Variants in FYB2 observed in about 807,000 individuals in gnomAD.
FYB2 encodes the protein FYN-binding protein 2.
In FYB2, 103 loss-of-function variants were observed where a neutral mutation model predicts 94.1. The observed-to-expected ratio is 1.09, with a 90% confidence interval of 0.93 to 1.29. The LOEUF (loss-of-function observed/expected upper bound fraction) is 1.29, where lower values mean the gene tolerates loss of function less well. Among genes scored for constraint, FYB2 ranks in the 50% most tolerant of loss-of-function variants. The pLI is 0.00. For synonymous variants in FYB2, 293 were observed against 287.9 expected (o/e 1.02, Z -0.18); for missense variants, 896 against 841.5 (o/e 1.06, Z -0.80).
rs115168935 is a variant in FYB2 at position 56,739,171 on chromosome 1, C to T, written c.1704-518G>A. ...TAAGGAACTGGATATTTATTCTAAA[C>T]GTAGTATGTAGCCAATGAATAGTTT... On this transcript the variant is annotated intron_variant, in intron 13 of 19. Transcript: ENST00000343433. Among the ~76,000 whole-genome samples, 7 of 152,092 alleles carry T rather than the reference C, an allele frequency of 4.6e-5. No homozygotes were observed. In the South Asian group the frequency reaches 6.2e-4, roughly 14 times the overall value.
chr1:56,792,506 A>C lies in FYB2; in HGVS notation c.307T>G (p.Cys103Gly). Residue 103 changes from cysteine (C) to glycine (G), a missense_variant, in exon 2 of 20, where the codon TGT becomes GGT. Transcript: ENST00000343433. ...SPGPLGKSTV[C>G]SATSSQKASL... ...GCCTTCTGTGAACTTGTTGCAGAACATACAGTAGACTTTCCCAGAGGCCCT... is the reference window on the plus strand; with the variant it reads ...GCCTTCTGTGAACTTGTTGCAGAACCTACAGTAGACTTTCCCAGAGGCCCT... 1 of 1,614,200 alleles carries C rather than the reference A, an allele frequency of 6.2e-7. No homozygotes were observed. The highest frequency in any genetic ancestry group is 8.5e-7 in the Non-Finnish European group (1 of 1,180,002).
At chr1:56,788,708 T>C (rs544649138) in intron 3 of FYB2, among the ~76,000 whole-genome samples, 4 of 152,308 alleles carry the variant, frequency 2.6e-5, no homozygotes, top group African/African-American at 9.6e-5. Flanking sequence ...GCTCAGCGAC[T>C]TTCTGTTTTC....
At position 56,720,170 on chromosome 1, in the gene FYB2, T is replaced by TA; in HGVS notation, c.2131+2dup. The TA allele has an allele frequency of 2.5e-6, 4 of 1,602,946 alleles. No individual in the cohort carries two copies. The highest frequency in any genetic ancestry group is 3.4e-6 in the Non-Finnish European group (4 of 1,176,158). ...ATTATGAAAGATAAGCAAATAAACTTACATTTGCCTTTAGAATTACGACAT... is the reference window on the plus strand; with the variant it reads ...ATTATGAAAGATAAGCAAATAAACTTAACATTTGCCTTTAGAATTACGACAT... On this transcript the variant is annotated splice_region_variant and intron_variant, in intron 18 of 19. Transcript: ENST00000343433.
At chr1:56,760,532 T>A (rs1413412412) in intron 5 of FYB2, among the ~76,000 whole-genome samples, 1 of 152,178 alleles carries the variant, frequency 6.6e-6, no homozygotes, top group African/African-American at 2.4e-5. Flanking sequence ...TACCTGTTTG[T>A]GATACAGTTT....
chr1:56,783,409 A>G (rs980565099), intron 4 of FYB2, among the ~76,000 whole-genome samples: 2 of 152,188 alleles, frequency 1.3e-5, no homozygotes, highest in African/African-American at 2.4e-5. Context: ...AAAGATGGCT[A>G]TTGTAAGTGT....
rs1218271261 is a variant in FYB2, at chr1:56,718,819, T to C, written c.*852A>G. 6.6e-6 allele frequency: 1 copy of C among 152,628 alleles called. No individual in the cohort carries two copies. Among genetic ancestry groups the C allele is most frequent in the Non-Finnish European group, 1.5e-5 (1 of 68,024 alleles). The allele number at this position is 152,628 out of a possible 1,614,324, so 9.5% of individuals were successfully genotyped here. ...AACTGTTAAATGCATATGTAGAATT[T>C]ATTTCTCTTATTGACATGCAGTGCA... On this transcript the variant is annotated 3_prime_UTR_variant, in exon 20 of 20. Transcript: ENST00000343433.
chr1:56,821,139 G>T (rs1041047752), upstream of FYB2, among the ~76,000 whole-genome samples: 1 of 152,154 alleles, frequency 6.6e-6, no homozygotes, highest in African/African-American at 2.4e-5. Flanking sequence ...GGAAGCTCTC[G>T]GGAGAACTTG....
At chr1:56,782,048 C>T (rs558601022) in intron 4 of FYB2, among the ~76,000 whole-genome samples, 4 of 152,118 alleles carry the variant, frequency 2.6e-5, no homozygotes, top group South Asian at 4.2e-4. Flanking sequence ...TTAATACATT[C>T]GTACGATGTG....
chr1:56,770,278 G>A (rs918264553), intron 4 of FYB2, among the ~76,000 whole-genome samples: 1 of 152,168 alleles, frequency 6.6e-6, no homozygotes, highest in East Asian at 1.9e-4. Flanking sequence ...ACTTTTATCA[G>A]TAGTACACAC....
chr1:56,729,666 AAC>A (rs1644661557), intron 15 of FYB2, among the ~76,000 whole-genome samples: 2 of 152,172 alleles, frequency 1.3e-5, no homozygotes. Flanking sequence ...AAATGGACTT[AAC>A]AGACATCTAC....
rs762044618 is a variant in FYB2, at chr1:56,789,041, C to CT, written c.850dup (p.Arg284LysfsTer42). ...GGCCTGGAGGTTCACGATGGGAGGTCTTGAAGGCTTTGGGGGAGGAGGACC... is the reference window on the plus strand; with the variant it reads ...GGCCTGGAGGTTCACGATGGGAGGTCTTTGAAGGCTTTGGGGGAGGAGGACC... On this transcript the variant is annotated frameshift_variant, in exon 3 of 20. Coordinates refer to ENST00000343433, the MANE Select transcript of FYB2 (RefSeq NM_001004303.5). LOFTEE classifies it high-confidence loss of function. 2 of 1,613,934 alleles carry CT rather than the reference C, an allele frequency of 1.2e-6. No individual in the cohort carries two copies. The highest frequency in any genetic ancestry group is 1.7e-6 in the Non-Finnish European group (2 of 1,179,974).
chr1:56,726,352 G>T, intron 16 of FYB2, 145 bp downstream of exon 16: 1 of 662,550 alleles, frequency 1.5e-6, no homozygotes. Context: ...CCTCTCAACT[G>T]TACCATGATG....
At chr1:56,803,316 T>G (rs1361731) in intron 1 of FYB2, among the ~76,000 whole-genome samples, 1 of 152,304 alleles carries the variant, frequency 6.6e-6, no homozygotes, top group South Asian at 2.1e-4. Context: ...AAACCAAAAA[T>G]GTTATGAAAA....
chr1:56,763,139 TC>T (rs1299304817), intron 5 of FYB2, among the ~76,000 whole-genome samples: 1 of 152,206 alleles, frequency 6.6e-6, no homozygotes. Context: ...TAATTCATTT[TC>T]TATGTTGCTG....
intron 2 of FYB2, among the ~76,000 whole-genome samples, chr1:56,791,664 G>A (rs1646269102): frequency 6.6e-6 from 1 of 151,786 alleles, no homozygotes; most frequent in African/African-American, 2.4e-5. Flanking sequence ...GGGAAATAGA[G>A]CATGGCTCGT....
At chr1:56,721,974 G>T (rs985629233) in intron 17 of FYB2, among the ~76,000 whole-genome samples, 1 of 151,960 alleles carries the variant, frequency 6.6e-6, no homozygotes, top group Non-Finnish European at 1.5e-5. Flanking sequence ...TATTGAAATG[G>T]CCTATCAAGG....
At chr1:56,800,601 C>T (rs1175281327) in intron 1 of FYB2, among the ~76,000 whole-genome samples, 2 of 152,140 alleles carry the variant, frequency 1.3e-5, no homozygotes, top group Admixed American at 1.3e-4. Flanking sequence ...AAATGTGTGA[C>T]CTTGAACATG....
At chr1:56,811,926 A>G (rs1389216815) in intron 1 of FYB2, among the ~76,000 whole-genome samples, 3 of 126,164 alleles carry the variant, frequency 2.4e-5, no homozygotes, top group African/African-American at 5.3e-5. Flanking sequence ...ACCTTTCCTA[A>G]CCATTTTTTT....
chr1:56,770,224 G>C (rs1557631597), intron 4 of FYB2, among the ~76,000 whole-genome samples: 1 of 152,004 alleles, frequency 6.6e-6, no homozygotes, highest in Non-Finnish European at 1.5e-5. Context: ...CATACCGACT[G>C]AGAAAGAAAC....
Sources: gnomAD v4.1 joint callset for allele counts (sites outside exome capture counted in the v4.1 genomes callset) on GRCh38, gnomAD v4.1.1 for gene constraint, MANE v1.5 for transcripts, NCBI Gene and HGNC (gene_info 2026-07-23, HGNC 2026-07-21) for gene names.